The following SYK variants were observed in gnomAD, a reference collection of about 807,000 sequenced individuals.
The protein encoded by SYK is spleen associated tyrosine kinase, also known as tyrosine-protein kinase SYK.
Under a neutral mutation model 77.8 loss-of-function variants are expected in SYK, and 16 were observed. That is an observed-to-expected ratio of 0.21 (90% CI 0.14 to 0.31). The LOEUF is 0.31. Ranked by LOEUF, SYK falls within the 10% of genes least tolerant of loss-of-function variation. The probability of loss-of-function intolerance (pLI) is 1.00; values close to 1 mark genes in which losing one functional copy is unlikely to be tolerated. For missense variants in SYK, 529 were observed against 814.4 expected, an observed-to-expected ratio of 0.65 and a Z score of 4.26; for synonymous variants, 312 against 308.7, an observed-to-expected ratio of 1.01 and a Z score of -0.11.
At chr9:90,827,170 C>T (rs1468649657) in intron 1 of SYK, among the ~76,000 whole-genome samples, 2 of 152,028 alleles carry the variant, frequency 1.3e-5, no homozygotes, top group Admixed American at 6.6e-5. Flanking sequence ...TTGGTAAAAA[C>T]ACTTGGGAAA....
chr9:90,845,724 G>A (rs1484410292), intron 3 of SYK, 130 bp downstream of exon 3: 25 of 1,058,910 alleles, frequency 2.4e-5, no homozygotes, highest in Non-Finnish European at 3.0e-5. Flanking sequence ...TTGACAACAT[G>A]CATGCTGGCC....
intron 3 of SYK, among the ~76,000 whole-genome samples, chr9:90,854,443 C>G (rs1296074904): frequency 6.6e-6 from 1 of 152,092 alleles, no homozygotes; most frequent in Non-Finnish European, 1.5e-5. Context: ...GGATGGGAAG[C>G]CTGCAGGCTT....
Position 90,895,491 on chromosome 9 carries a change from C to T in SYK, c.1836-37C>T. 1 of 1,610,268 alleles carries T rather than the reference C, an allele frequency of 6.2e-7. No individual in the cohort carries two copies. The highest frequency in any genetic ancestry group is 2.2e-5 in the East Asian group (1 of 44,864). ...CTTGTGATCAGCAATTTTTCACAAG[C>T]ACATTGACAAACAAGAATGCATCTC... On this transcript the variant is annotated intron_variant, in intron 13 of 13. Coordinates refer to ENST00000375754, the MANE Select transcript of SYK (RefSeq NM_003177.7). This position sits in a 1 kb window ranked among gnomAD's most constrained non-coding sequence, Gnocchi z 4.4.
At chr9:90,867,018 G>T in intron 6 of SYK, 113 bp from the exon 7 acceptor site, 1 of 1,130,864 alleles carries the variant, frequency 8.8e-7, no homozygotes. Flanking sequence ...GCAGGGACAG[G>T]AGGGGGTTAG....
chr9:90,850,912 T>C (rs1278755268), intron 3 of SYK, among the ~76,000 whole-genome samples: 3 of 152,116 alleles, frequency 2.0e-5, no homozygotes, highest in Non-Finnish European at 1.5e-5. Context: ...TCCTAGGTAA[T>C]GCAGTTCAAA....
Position 90,897,809 on chromosome 9 carries a change from G to A in SYK, c.*2209G>A, listed in dbSNP as rs892844381. ...TCTCTGCTTGGTGGAGCAGGCACCT[G>A]TGTGCAGAATTCCCACTGTGGCCAG... On this transcript the variant is annotated 3_prime_UTR_variant, in exon 14 of 14. Transcript: ENST00000375754. 4.5e-6 allele frequency: 1 copy of A among 223,226 alleles called. No homozygotes were observed. The allele number at this position is 223,226 out of a possible 1,614,324, so 13.8% of individuals were successfully genotyped here.
At chr9:90,891,142 CTTTT>C (rs750370621) in intron 13 of SYK, among the ~76,000 whole-genome samples, 1 of 119,070 alleles carries the variant, frequency 8.4e-6, no homozygotes. Context: ...ATGTTGCCTG[CTTTT>C]TTTTTTTTTT....
chr9:90,803,361 AT>A (rs1824682403), intron 1 of SYK, among the ~76,000 whole-genome samples: 1 of 151,898 alleles, frequency 6.6e-6, no homozygotes, highest in African/African-American at 2.4e-5. Flanking sequence ...GAAAAAAGAG[AT>A]TTTTCTACTG....
intron 1 of SYK, among the ~76,000 whole-genome samples, chr9:90,842,203 G>T (rs1826389789): frequency 6.7e-6 from 1 of 150,366 alleles, no homozygotes; most frequent in Non-Finnish European, 1.5e-5. Context: ...TTGTGTGTGT[G>T]GTGTGTGTGT....
chr9:90,830,584 T>TTTA (rs1825848274), intron 1 of SYK, among the ~76,000 whole-genome samples: 1 of 138,674 alleles, frequency 7.2e-6, no homozygotes, highest in Non-Finnish European at 1.5e-5. Context: ...CATTCCTCTT[T>TTTA]TTTTTTTTTT....
chr9:90,874,999 C>A, intron 9 of SYK, 150 bp downstream of exon 9: 1 of 994,566 alleles, frequency 1.0e-6, no homozygotes, highest in South Asian at 1.7e-5. Context: ...ATAATGAAAG[C>A]GTCCATTACC....
In SYK at chr9:90,807,081, A is replaced by G. The variant is rs139442881; in HGVS notation, c.-42+5188A>G. Among the ~76,000 whole-genome samples the G allele has an allele frequency of 5.0e-3, 757 of 152,348 alleles. 7 individuals are homozygous for G. Among genetic ancestry groups the G allele is most frequent in the African/African-American group, 0.018 (732 of 41,576 alleles). On this transcript the variant is annotated intron_variant, in intron 1 of 13. Coordinates refer to ENST00000375754, the MANE Select transcript of SYK (RefSeq NM_003177.7). The stretch of plus-strand genomic sequence containing the variant: ...AGTGCAGCAAGCAGGGATAAATATC[A>G]TGGGCATCTTCAGAGCCTTTGTGCA...
chr9:90,883,389 G>A (rs551840589), intron 11 of SYK, among the ~76,000 whole-genome samples: 37 of 152,156 alleles, frequency 2.4e-4, no homozygotes, highest in Non-Finnish European at 4.4e-4. Context: ...CCACTGCCCC[G>A]CCACATAGGG....
Position 90,874,860 on chromosome 9 carries a change from A to G in SYK, c.1181+11A>G, listed in dbSNP as rs751742174. 23 of 1,613,564 alleles carry G rather than the reference A, an allele frequency of 1.4e-5. No individual in the cohort carries two copies. The Admixed American group carries it at 2.5e-4, about 18-fold the overall frequency. ...CTACCAAATGAAAAAGTAAGTTGCT[A>G]TGTTCCACCAGCCTCACCCTCACAT... is the stretch of plus-strand genomic sequence containing the variant. On this transcript the variant is annotated intron_variant, in intron 9 of 13. Transcript: ENST00000375754.
At chr9:90,879,809 G>A (rs1828078570) in intron 11 of SYK, among the ~76,000 whole-genome samples, 1 of 148,074 alleles carries the variant, frequency 6.8e-6, no homozygotes, top group Non-Finnish European at 1.5e-5. Context: ...AGTTCTGGGT[G>A]CAGGTTTGGA....
chr9:90,806,727 T>G (rs1317300999), intron 1 of SYK, among the ~76,000 whole-genome samples: 1 of 152,256 alleles, frequency 6.6e-6, no homozygotes, highest in Non-Finnish European at 1.5e-5. Context: ...TTTATTGTAG[T>G]ATAGAACTTT....
chr9:90,871,740 G>A (rs1211884684), intron 7 of SYK, among the ~76,000 whole-genome samples: 3 of 152,206 alleles, frequency 2.0e-5, no homozygotes, highest in African/African-American at 7.2e-5. Context: ...TTAGTCACCA[G>A]AAAGAGATAG....
Position 90,877,793 on chromosome 9 carries a change from G to T in SYK, c.1391+13G>T, listed in dbSNP as rs1480844311. On this transcript the variant is annotated intron_variant, in intron 10 of 13. Coordinates refer to ENST00000375754, the MANE Select transcript of SYK (RefSeq NM_003177.7). ...TGCAGCAGAACAGGTATTGTCAGGT[G>T]CCCCCACACATCTGGAAGCTATCCC... 6.2e-7 allele frequency: 1 copy of T among 1,613,550 alleles called. No individual in the cohort carries two copies. The highest frequency in any genetic ancestry group is 2.2e-5 in the East Asian group (1 of 44,874).
intron 7 of SYK, among the ~76,000 whole-genome samples, chr9:90,868,149 A>C (rs1394851164): frequency 6.6e-6 from 1 of 152,218 alleles, no homozygotes; most frequent in East Asian, 1.9e-4. Flanking sequence ...AGAAGTTCTC[A>C]ATCGTGTTGA....
Sources: allele counts gnomAD v4.1 joint callset (sites outside exome capture counted in the v4.1 genomes callset), GRCh38; gene constraint gnomAD v4.1.1; non-coding constraint Gnocchi (gnomAD v3.1); transcripts MANE v1.5; gene names NCBI Gene and HGNC (gene_info 2026-07-23, HGNC 2026-07-21).